ROBO2: variants seen among roughly 807,000 people sequenced by gnomAD.
ROBO2 encodes the protein roundabout guidance receptor 2.
ROBO2 carries 53 observed loss-of-function variants against 160.8 expected under a neutral mutation model. The ratio of observed to expected loss-of-function variants is 0.33; its 90% CI spans 0.26 to 0.41. ROBO2 has a LOEUF of 0.41. Among genes scored for constraint, ROBO2 ranks in the 10% least tolerant of loss-of-function variants. ROBO2 has a pLI of 1.00. For synonymous variants in ROBO2, 664 were observed against 611.7 expected, an observed-to-expected ratio of 1.09 and a Z score of -1.26; for missense variants, 1,577 against 1,722.4, an observed-to-expected ratio of 0.92 and a Z score of 1.49.
At chr3:76,192,209 T>G (rs1702039102) in intron 2 of ROBO2, among the ~76,000 whole-genome samples, 1 of 149,886 alleles carries the variant, frequency 6.7e-6, no homozygotes, top group Non-Finnish European at 1.5e-5. Context: ...TTAGTGCCCT[T>G]AGTAACCTGA....
intron 2 of ROBO2, among the ~76,000 whole-genome samples, chr3:76,131,502 G>C (rs781578461): frequency 2.0e-5 from 3 of 152,092 alleles, no homozygotes; most frequent in Non-Finnish European, 4.4e-5. Context: ...AAAGAGTCAA[G>C]CAGGATCTCA....
At chr3:77,015,818 A>G (rs1006038287) in intron 2 of ROBO2, among the ~76,000 whole-genome samples, 1 of 152,182 alleles carries the variant, frequency 6.6e-6, no homozygotes, top group African/African-American at 2.4e-5. Flanking sequence ...ATCTTAACAC[A>G]TTAGAAATCT....
chr3:76,974,364 G>A lies in ROBO2; in HGVS notation c.110-123650G>A, dbSNP rs376839984. On this transcript the variant is annotated intron_variant, in intron 2 of 26. Coordinates refer to the ROBO2 transcript ENST00000487694. ...TCTATTATTTAGACAAAGGAAAAAT[G>A]TTTAGTGAATAGCTGGCCAGAAACT... Among the ~76,000 whole-genome samples, 4 of 152,108 alleles carry A rather than the reference G, an allele frequency of 2.6e-5. No homozygotes were observed. In the East Asian group the frequency reaches 5.8e-4, roughly 22 times the overall value.
chr3:76,455,156 T>G (rs972917445), intron 2 of ROBO2, among the ~76,000 whole-genome samples: 2 of 152,152 alleles, frequency 1.3e-5, no homozygotes, highest in Non-Finnish European at 2.9e-5. Flanking sequence ...TTCATGTCAT[T>G]TTTGTTGCCT....
intron 2 of ROBO2, among the ~76,000 whole-genome samples, chr3:77,264,023 A>T (rs1043626780): frequency 6.9e-6 from 1 of 144,618 alleles, no homozygotes; most frequent in African/African-American, 2.5e-5. Context: ...TATCACCTTC[A>T]TCATCACATT....
chr3:76,472,653 A>G (rs2078727121), intron 2 of ROBO2, among the ~76,000 whole-genome samples: 1 of 152,188 alleles, frequency 6.6e-6, no homozygotes, highest in Non-Finnish European at 1.5e-5. Context: ...CTTGAGAGAA[A>G]AATTAACTTT....
At chr3:76,750,497 A>C (rs936727158) in intron 2 of ROBO2, among the ~76,000 whole-genome samples, 1 of 152,142 alleles carries the variant, frequency 6.6e-6, no homozygotes, top group African/African-American at 2.4e-5. Context: ...GGAAAAGAGG[A>C]AGTCAAATTG....
intron 2 of ROBO2, among the ~76,000 whole-genome samples, chr3:77,474,495 G>T (rs1047560754): frequency 6.6e-6 from 1 of 152,106 alleles, no homozygotes; most frequent in African/African-American, 2.4e-5. Context: ...CACAACTGCT[G>T]CTACCCTGTC....
intron 2 of ROBO2, among the ~76,000 whole-genome samples, chr3:76,734,529 G>A (rs557561007): frequency 5.3e-5 from 8 of 152,228 alleles, no homozygotes; most frequent in Non-Finnish European, 1.0e-4. Context: ...TGACTCTTTG[G>A]AGAAACGACT....
intron 2 of ROBO2, among the ~76,000 whole-genome samples, chr3:76,739,342 A>C (rs889338666): frequency 1.3e-5 from 2 of 152,148 alleles, no homozygotes; most frequent in African/African-American, 4.8e-5. Flanking sequence ...GACATGGATG[A>C]AATTGGAAAT....
intron 2 of ROBO2, among the ~76,000 whole-genome samples, chr3:77,174,103 A>C (rs963984602): frequency 6.6e-6 from 1 of 152,060 alleles, no homozygotes; most frequent in Non-Finnish European, 1.5e-5. Context: ...CTTTCTTCCC[A>C]TGAGTACAAT....
chr3:76,203,566 C>CA (rs1702646801), intron 2 of ROBO2, among the ~76,000 whole-genome samples: 1 of 7,924 alleles, frequency 1.3e-4, no homozygotes, highest in Non-Finnish European at 3.8e-4. Flanking sequence ...CCTTTCTCAC[C>CA]TTGAGATTGC....
intron 2 of ROBO2, chr3:77,317,036 A>T (rs1226786211): frequency 1.3e-6 from 2 of 1,528,244 alleles, no homozygotes; most frequent in African/African-American, 2.7e-5. Flanking sequence ...GAGCCGCCAA[A>T]CTCTGTCCCG....
intron 5 of ROBO2, among the ~76,000 whole-genome samples, chr3:77,518,399 T>G (rs575449187): frequency 6.6e-6 from 1 of 151,680 alleles, no homozygotes; most frequent in South Asian, 2.1e-4. Context: ...AGGCAAAGAT[T>G]CAGCGAGAAA....
chr3:77,495,425 G>A (rs1011765175), intron 5 of ROBO2, among the ~76,000 whole-genome samples: 3 of 152,260 alleles, frequency 2.0e-5, no homozygotes, highest in Middle Eastern at 3.4e-3. Context: ...ATTAAGTAAA[G>A]TGTATACATT....
rs2060295538 is a variant in ROBO2 at position 76,985,002 on chromosome 3, T to C, written c.110-113012T>C. On this transcript the variant is annotated intron_variant, in intron 2 of 26. Transcript: ENST00000487694. ...TTCAGAATTATTGTCAAAATAGAATTGATATGAGTAATGTAATAATGTTGA... is the reference window on the plus strand; with the variant it reads ...TTCAGAATTATTGTCAAAATAGAATCGATATGAGTAATGTAATAATGTTGA... Among the ~76,000 whole-genome samples, 3 of 152,100 alleles carry C rather than the reference T, an allele frequency of 2.0e-5. No homozygotes were observed. In the South Asian group the frequency reaches 6.2e-4, roughly 32 times the overall value.
intron 2 of ROBO2, among the ~76,000 whole-genome samples, chr3:77,285,068 T>C (rs891745422): frequency 1.3e-5 from 2 of 152,048 alleles, no homozygotes; most frequent in Non-Finnish European, 1.5e-5. Flanking sequence ...ATCCCCTTTA[T>C]ATAAAGTTCT....
At chr3:76,641,180 T>C (rs1331118267) in intron 2 of ROBO2, among the ~76,000 whole-genome samples, 1 of 152,110 alleles carries the variant, frequency 6.6e-6, no homozygotes, top group Non-Finnish European at 1.5e-5. Context: ...ACAGGCATAG[T>C]TTTGACATAC....
intron 2 of ROBO2, among the ~76,000 whole-genome samples, chr3:76,653,529 T>C (rs1452174115): frequency 6.6e-6 from 1 of 152,096 alleles, no homozygotes; most frequent in Non-Finnish European, 1.5e-5. Context: ...ATTATATTTC[T>C]TAAAGTGAAA....
Sources: allele counts gnomAD v4.1 joint callset (sites outside exome capture counted in the v4.1 genomes callset), GRCh38; gene constraint gnomAD v4.1.1; transcripts MANE v1.5; gene names NCBI Gene and HGNC (gene_info 2026-07-23, HGNC 2026-07-21).